GDAP1: variants seen among roughly 807,000 people sequenced by gnomAD.
GDAP1 encodes the protein ganglioside induced differentiation associated protein 1.
In GDAP1, 34 loss-of-function variants were observed where a neutral mutation model predicts 40.1. The observed-to-expected ratio is 0.85, with a 90% CI of 0.64 to 1.13. The LOEUF is 1.13. Among genes scored for constraint, GDAP1 ranks in the 50% most tolerant of loss-of-function variants. GDAP1 has a pLI of 0.00. For synonymous variants in GDAP1, 170 were observed against 157.4 expected (o/e 1.08, Z -0.60); for missense variants, 374 against 433.7 (o/e 0.86, Z 1.22).
chr8:74,402,529 T>A (rs1810364699), intron 2 of GDAP1, among the ~76,000 whole-genome samples: 1 of 150,330 alleles, frequency 6.7e-6, no homozygotes, highest in Non-Finnish European at 1.5e-5. Context: ...TGCCTCGCCC[T>A]GCTTCGGCTC....
At chr8:74,452,439 A>T (rs1223510343) in intron 2 of GDAP1, among the ~76,000 whole-genome samples, 1 of 82,828 alleles carries the variant, frequency 1.2e-5, no homozygotes, top group East Asian at 3.6e-4. Context: ...TTTCCCATGG[A>T]CTACTGAGAC....
intron 2 of GDAP1, among the ~76,000 whole-genome samples, chr8:74,434,840 A>C (rs535737522): frequency 2.4e-4 from 37 of 152,344 alleles, no homozygotes; most frequent in South Asian, 8.3e-4. Context: ...ATACAAAAAA[A>C]GTGCTCATCT....
intron 2 of GDAP1, among the ~76,000 whole-genome samples, chr8:74,447,582 G>C (rs1806247446): frequency 6.6e-6 from 1 of 152,032 alleles, no homozygotes; most frequent in Non-Finnish European, 1.5e-5. Flanking sequence ...AGAGAAAAAA[G>C]ACCCTCTCAG....
At chr8:74,391,308 G>T (rs1324883076) in intron 2 of GDAP1, among the ~76,000 whole-genome samples, 3 of 152,162 alleles carry the variant, frequency 2.0e-5, no homozygotes, top group African/African-American at 7.2e-5. Flanking sequence ...GACCCTGGTG[G>T]TGTAGGCATC....
intron 2 of GDAP1, among the ~76,000 whole-genome samples, chr8:74,422,143 T>C (rs1420455802): frequency 2.6e-5 from 4 of 152,006 alleles, no homozygotes; most frequent in African/African-American, 9.7e-5. Context: ...ATTTTCTTTC[T>C]TTCCTTCTTC....
At chr8:74,449,916 A>G (rs1476555213) in intron 2 of GDAP1, among the ~76,000 whole-genome samples, 3 of 151,802 alleles carry the variant, frequency 2.0e-5, no homozygotes, top group Non-Finnish European at 4.4e-5. Context: ...AGGTGATCAT[A>G]TGGTTTTCTG....
intron 2 of GDAP1, among the ~76,000 whole-genome samples, chr8:74,445,187 T>C (rs1373749170): frequency 6.6e-6 from 1 of 152,218 alleles, no homozygotes; most frequent in Non-Finnish European, 1.5e-5. Context: ...CCAGGAAAGA[T>C]ATCTGTATCA....
Position 74,350,487 on chromosome 8 carries a change from G to T in GDAP1, c.26G>T (p.Arg9Ile). Reference sequence around the variant, plus strand: ...ATGGCTGAGAGGCAGGAAGAGCAGAGAGGGAGCCCGCCCTTGAGGGCGGAA... The same window carrying T: ...ATGGCTGAGAGGCAGGAAGAGCAGATAGGGAGCCCGCCCTTGAGGGCGGAA... MAERQEEQ[R>I]GSPPLRAEGK... The change falls in exon 1 of 6, where the codon AGA (arginine) becomes ATA (isoleucine). Residue 9 changes from arginine (R) to isoleucine (I), a missense_variant. Transcript: ENST00000220822. 3.1e-6 allele frequency: 5 copies of T among 1,612,930 alleles called. No individual in the cohort carries two copies. The highest frequency in any genetic ancestry group is 4.2e-6 in the Non-Finnish European group (5 of 1,179,164).
chr8:74,438,990 G>T (rs1252872490), intron 2 of GDAP1, among the ~76,000 whole-genome samples: 1 of 151,724 alleles, frequency 6.6e-6, no homozygotes, highest in East Asian at 1.9e-4. Context: ...GCTTGTTTTT[G>T]CCTTTTGATT....
At chr8:74,440,351 C>A (rs1482735296) in intron 2 of GDAP1, among the ~76,000 whole-genome samples, 1 of 152,152 alleles carries the variant, frequency 6.6e-6, no homozygotes, top group Non-Finnish European at 1.5e-5. Context: ...CCAGCCCAAA[C>A]ATACACAAAA....
At chr8:74,391,861 C>T (rs1313814990) in intron 2 of GDAP1, among the ~76,000 whole-genome samples, 2 of 152,076 alleles carry the variant, frequency 1.3e-5, no homozygotes, top group African/African-American at 4.8e-5. Flanking sequence ...TCTTGTTGCC[C>T]AGGCTGGAGT....
chr8:74,422,298 TTTCTTTC>T (rs1805872607), intron 2 of GDAP1, among the ~76,000 whole-genome samples: 1 of 31,364 alleles, frequency 3.2e-5, no homozygotes, highest in Non-Finnish European at 5.7e-5. Context: ...TCTTTCTTTC[TTTCTTTC>T]TTTCTTTCTT....
chr8:74,435,971 A>C (rs1248546728), intron 2 of GDAP1, among the ~76,000 whole-genome samples: 1 of 152,226 alleles, frequency 6.6e-6, no homozygotes, highest in Non-Finnish European at 1.5e-5. Context: ...CAAGAATAAG[A>C]AATATTTGGA....
At chr8:74,373,938 C>T (rs959888271) in intron 2 of GDAP1, among the ~76,000 whole-genome samples, 1 of 152,108 alleles carries the variant, frequency 6.6e-6, no homozygotes, top group Non-Finnish European at 1.5e-5. Context: ...CCCATCAATA[C>T]CTAATTTATT....
At chr8:74,446,282 G>A (rs1806225524) in intron 2 of GDAP1, among the ~76,000 whole-genome samples, 1 of 152,068 alleles carries the variant, frequency 6.6e-6, no homozygotes, top group African/African-American at 2.4e-5. Flanking sequence ...AGGGCGGTGG[G>A]ACTAGTGGAG....
chr8:74,476,983 T>C (rs1276328368), intron 2 of GDAP1, among the ~76,000 whole-genome samples: 1 of 151,296 alleles, frequency 6.6e-6, no homozygotes, highest in East Asian at 1.9e-4. Context: ...GTTTGTCCCT[T>C]TGCATTCTGT....
chr8:74,405,466 G>C (rs1033182790), intron 2 of GDAP1, among the ~76,000 whole-genome samples: 2 of 150,074 alleles, frequency 1.3e-5, no homozygotes, highest in Non-Finnish European at 2.9e-5. Flanking sequence ...TCTGAAGGTG[G>C]TTGCATCAAT....
chr8:74,398,664 A>G (rs1810255729), intron 2 of GDAP1, among the ~76,000 whole-genome samples: 1 of 152,182 alleles, frequency 6.6e-6, no homozygotes, highest in Admixed American at 6.5e-5. Context: ...TTGCCCATTC[A>G]GTATGATATT....
At chr8:74,402,255 A>C (rs113039995) in intron 2 of GDAP1, among the ~76,000 whole-genome samples, 1 of 150,494 alleles carries the variant, frequency 6.6e-6, no homozygotes. Context: ...AGCCTGGGCA[A>C]TGGCGGGCGC....
Sources: gnomAD v4.1 joint callset for allele counts (sites outside exome capture counted in the v4.1 genomes callset) on GRCh38, gnomAD v4.1.1 for gene constraint, MANE v1.5 for transcripts, NCBI Gene and HGNC (gene_info 2026-07-23, HGNC 2026-07-21) for gene names.